SPTBN2: variants seen among roughly 807,000 people sequenced by gnomAD.
SPTBN2 encodes the protein spectrin beta chain, non-erythrocytic 2.
SPTBN2 carries 107 observed loss-of-function variants against 284.2 expected under a neutral mutation model. That is an observed-to-expected ratio of 0.38 (90% CI 0.32 to 0.44). The LOEUF (loss-of-function observed/expected upper bound fraction) is 0.44. Ranked by LOEUF, SPTBN2 falls within the 20% of genes least tolerant of loss-of-function variation. The probability of loss-of-function intolerance (pLI) is 1.00; values close to 1 mark genes in which losing one functional copy is unlikely to be tolerated. For missense variants in SPTBN2, 2,569 were observed against 3,287.1 expected (o/e 0.78, Z 5.34); for synonymous variants, 1,289 against 1,354.8 (o/e 0.95, Z 1.07).
intron 1 of SPTBN2, among the ~76,000 whole-genome samples, chr11:66,741,913 G>A (rs182354135): frequency 1.3e-3 from 203 of 151,970 alleles, no homozygotes; most frequent in Admixed American, 2.9e-3. Flanking sequence ...CCTCCAACTC[G>A]AGGGGCTCGA....
exon 1 of SPTBN2, chr11:66,744,545 C>T: frequency 5.0e-6 from 1 of 201,316 alleles, no homozygotes. Context: ...CGCTCACCTC[C>T]AGCCTTGGCC....
At chr11:66,717,643 G>A (rs1942208401) in intron 3 of SPTBN2, among the ~76,000 whole-genome samples, 1 of 152,204 alleles carries the variant, frequency 6.6e-6, no homozygotes, top group South Asian at 2.1e-4. Flanking sequence ...GGAGGAGCGT[G>A]GGTCACAGGC....
chr11:66,722,892 CAAAAA>C (rs1293210992), intron 1 of SPTBN2, among the ~76,000 whole-genome samples: 1 of 55,236 alleles, frequency 1.8e-5, no homozygotes, highest in Non-Finnish European at 3.7e-5. Flanking sequence ...GATTCTGCCT[CAAAAA>C]AAAAAAAAAA....
At chr11:66,737,430 A>C (rs1351999225) in intron 1 of SPTBN2, among the ~76,000 whole-genome samples, 1 of 152,226 alleles carries the variant, frequency 6.6e-6, no homozygotes, top group African/African-American at 2.4e-5. Flanking sequence ...TGACAAGTTA[A>C]CAATTACACT....
chr11:66,693,932 T>G lies in SPTBN2; in HGVS notation c.4504-71A>C. The G allele has an allele frequency of 7.0e-7, 1 of 1,431,468 alleles. No homozygotes were observed. The highest frequency in any genetic ancestry group is 9.7e-7 in the Non-Finnish European group (1 of 1,032,984). 88.7% of individuals were successfully genotyped at this position (1,431,468 alleles called of 1,614,324 possible). ...AGCAGCAGGGACTGATTAGTGGGAG[T>G]GGGGACACCTGGGGCTACCGCCCTG... On this transcript the variant is annotated intron_variant, in intron 22 of 37. Transcript: ENST00000533211. This position sits in a 1 kb window ranked among gnomAD's most constrained non-coding sequence, Gnocchi z 5.7.
Position 66,683,137 on chromosome 11 carries a change from G to A in SPTBN2, c.*2734C>T, listed in dbSNP as rs1349037223. Among the ~76,000 whole-genome samples, 3 of 131,056 alleles carry A rather than the reference G, an allele frequency of 2.3e-5. No individual in the cohort carries two copies. The highest frequency in any genetic ancestry group is 3.1e-5 in the Non-Finnish European group (2 of 65,208). 86.0% of individuals were successfully genotyped at this position (131,056 alleles called of 152,430 possible). Reference sequence around the variant, plus strand: ...GGCTGGAGCGCAGTGGCGGCATCTCGGCTCACTGCAAGCTCCGCCTCCCGG... The same window carrying A: ...GGCTGGAGCGCAGTGGCGGCATCTCAGCTCACTGCAAGCTCCGCCTCCCGG... On this transcript the variant is annotated 3_prime_UTR_variant, in exon 38 of 38. Coordinates refer to ENST00000533211, the MANE Select transcript of SPTBN2 (RefSeq NM_006946.4).
chr11:66,714,014 C>T, intron 7 of SPTBN2, 77 bp downstream of exon 7: 1 of 1,441,068 alleles, frequency 6.9e-7, no homozygotes, highest in East Asian at 2.3e-5. Flanking sequence ...CTCATCTCAT[C>T]TCTGTCTCCA....
chr11:66,730,567 C>T (rs192986446), upstream of SPTBN2, among the ~76,000 whole-genome samples: 2 of 146,702 alleles, frequency 1.4e-5, no homozygotes. Context: ...GCAACAAGAA[C>T]GAGACTCCAT....
rs1941791068 is a variant in SPTBN2, at chr11:66,710,373, C to G, written c.1073+209G>C. Among the ~76,000 whole-genome samples, 1 of 151,864 alleles carries G rather than the reference C, an allele frequency of 6.6e-6. No homozygotes were observed. Among genetic ancestry groups the G allele is most frequent in the African/African-American group, 2.4e-5 (1 of 41,298 alleles). On this transcript the variant is annotated intron_variant, in intron 10 of 37. Transcript: ENST00000533211. This position sits in a 1 kb window ranked among gnomAD's most constrained non-coding sequence, Gnocchi z 4.9. ...TGCTGGGATTACAGGCGTGAGCCAC[C>G]ATGCCCGGCCCACAGCATGATTTTT...
chr11:66,682,700 A>G lies in SPTBN2; in HGVS notation c.*3171T>C, dbSNP rs996752129. Among the ~76,000 whole-genome samples, 4 of 152,154 alleles carry G rather than the reference A, an allele frequency of 2.6e-5. No individual in the cohort carries two copies. The highest frequency in any genetic ancestry group is 4.8e-5 in the African/African-American group (2 of 41,434). ...CTGGGTGGCTGCTGCTGTGGACAGCATGGACCTAAAGTCCACTCTTGTAGG... is the reference window on the plus strand; with the variant it reads ...CTGGGTGGCTGCTGCTGTGGACAGCGTGGACCTAAAGTCCACTCTTGTAGG... On this transcript the variant is annotated 3_prime_UTR_variant, in exon 38 of 38. Transcript: ENST00000533211.
In SPTBN2 at chr11:66,714,372, CTTG is replaced by C; in HGVS notation, c.516_518del (p.Asn172del). ...GGGCATCCTTGGCTGACTTCTTCTC[CTTG>C]TTGTCTTCTGTCTCCACACTGATGT... is the stretch of plus-strand genomic sequence containing the variant. On this transcript the variant is annotated inframe_deletion, in exon 6 of 38. Transcript: ENST00000533211. 1 of 1,614,070 alleles carries C rather than the reference CTTG, an allele frequency of 6.2e-7. No individual in the cohort carries two copies. Among genetic ancestry groups the C allele is most frequent in the African/African-American group, 1.3e-5 (1 of 75,036 alleles).
intron 21 of SPTBN2, 43 bp from the exon 22 acceptor site, chr11:66,694,406 C>A: frequency 6.3e-7 from 1 of 1,589,244 alleles, no homozygotes; most frequent in Non-Finnish European, 8.6e-7. Flanking sequence ...TCTGCATTTC[C>A]GCCTTCATGC....
intron 20 of SPTBN2, among the ~76,000 whole-genome samples, chr11:66,697,253 C>T (rs1460763497): frequency 2.0e-5 from 3 of 152,124 alleles, no homozygotes; most frequent in Non-Finnish European, 2.9e-5. Context: ...TGATCATTCC[C>T]GGGGACACCT....
In SPTBN2 at chr11:66,692,648, T is replaced by C. The variant is rs1416537937; in HGVS notation, c.5078A>G (p.His1693Arg). The C allele has an allele frequency of 6.2e-7, 1 of 1,604,980 alleles. No individual in the cohort carries two copies. Reference sequence around the variant, plus strand: ...GCGGCGGAGCTGGCACAGCCGGAGGTGCTCCTGCAGGCGCTCCCGCCGCTC... The same window carrying C: ...GCGGCGGAGCTGGCACAGCCGGAGGCGCTCCTGCAGGCGCTCCCGCCGCTC... ...AGERRERLQE[H>R]LRLCQLRREL... Residue 1693 changes from histidine (H) to arginine (R), a missense_variant, in exon 26 of 38, where the codon CAC (histidine) becomes CGC (arginine). By Grantham distance (29) the His-to-Arg change is conservative. This residue lies in a region of SPTBN2 where 1,130 missense variants were observed against 1,317.3 expected (regional missense o/e 0.86). Coordinates refer to ENST00000533211, the MANE Select transcript of SPTBN2 (RefSeq NM_006946.4).
chr11:66,694,738 T>C (rs1940807958), intron 21 of SPTBN2, among the ~76,000 whole-genome samples: 1 of 152,216 alleles, frequency 6.6e-6, no homozygotes, highest in Non-Finnish European at 1.5e-5. Context: ...TCATTGTCTC[T>C]CCATCCCCAA....
At chr11:66,699,127 G>A (rs1356962479) in intron 18 of SPTBN2, 45 bp from the exon 19 acceptor site, 1 of 1,611,546 alleles carries the variant, frequency 6.2e-7, no homozygotes, top group African/African-American at 1.3e-5. Context: ...TGCTGTGAAA[G>A]GATTGTGACC....
At chr11:66,712,542 G>A (rs1340503279) in intron 8 of SPTBN2, among the ~76,000 whole-genome samples, 9 of 138,166 alleles carry the variant, frequency 6.5e-5, no homozygotes, top group Non-Finnish European at 3.2e-5. Context: ...GTGAGACTCC[G>A]TCTCAAAAAA....
chr11:66,695,844 C>T (rs1195235177), intron 21 of SPTBN2, among the ~76,000 whole-genome samples: 1 of 151,986 alleles, frequency 6.6e-6, no homozygotes, highest in Non-Finnish European at 1.5e-5. Flanking sequence ...ATCCTCCTCC[C>T]TCAGCCCTCA....
chr11:66,686,510 G>A (rs1478148125), intron 36 of SPTBN2, 70 bp from the exon 37 acceptor site: 17 of 1,563,124 alleles, frequency 1.1e-5, no homozygotes, highest in South Asian at 4.4e-5. Flanking sequence ...TGGTGAGAGC[G>A]TAATCATGAC....
Sources: gnomAD v4.1 joint callset for allele counts (sites outside exome capture counted in the v4.1 genomes callset) on GRCh38, gnomAD v4.1.1 for gene constraint, gnomAD v4.1.1 regional missense constraint, Gnocchi (gnomAD v3.1) non-coding constraint, MANE v1.5 for transcripts, NCBI Gene and HGNC (gene_info 2026-07-23, HGNC 2026-07-21) for gene names.